The following PPP2R2B variants were observed in gnomAD, a reference collection of about 807,000 sequenced individuals.
PPP2R2B encodes the protein serine/threonine-protein phosphatase 2A 55 kDa regulatory subunit B beta isoform.
In PPP2R2B, 5 loss-of-function variants were observed where a neutral mutation model predicts 46.0. The ratio of observed to expected loss-of-function variants is 0.11; its 90% CI spans 0.06 to 0.23. The LOEUF is 0.23. Ranked by LOEUF, PPP2R2B falls within the 10% of genes least tolerant of loss-of-function variation. The probability of loss-of-function intolerance (pLI) is 1.00; values close to 1 mark genes in which losing one functional copy is unlikely to be tolerated. For synonymous variants in PPP2R2B, 215 were observed against 206.7 expected (o/e 1.04, Z -0.34); for missense variants, 367 against 575.0 (o/e 0.64, Z 3.70).
chr5:146,970,376 G>A (rs1204839849), intron 1 of PPP2R2B, among the ~76,000 whole-genome samples: 3 of 151,978 alleles, frequency 2.0e-5, no homozygotes, highest in South Asian at 4.1e-4. Context: ...CGAGGCGGGC[G>A]GATCATTTGA....
chr5:146,618,442 G>A (rs116724959), intron 7 of PPP2R2B, among the ~76,000 whole-genome samples: 75 of 152,324 alleles, frequency 4.9e-4, no homozygotes, highest in African/African-American at 1.7e-3. Context: ...CTGTAAGGAC[G>A]TTAATCAATT....
Position 146,701,081 on chromosome 5 carries a change from C to T in PPP2R2B, c.132G>A (p.Lys44=). ...HTGELLATGD[K]GGRVVIFQRE... is the part of the protein sequence containing the mutation. ...GTTGAAATATTACAACCCGACCCCC[C>T]TTGTCCCCTGTCGCTAGTAATTCTC... The change falls in exon 3 of 10, where the codon AAG becomes AAA. Residue 44 remains lysine (K), a synonymous_variant. Transcript: ENST00000394411. The T allele has an allele frequency of 6.2e-7, 1 of 1,614,006 alleles. No individual in the cohort carries two copies. The highest frequency in any genetic ancestry group is 8.5e-7 in the Non-Finnish European group (1 of 1,179,858).
chr5:146,822,533 TGG>T (rs1758326192), intron 2 of PPP2R2B, among the ~76,000 whole-genome samples: 6 of 148,194 alleles, frequency 4.0e-5, no homozygotes, highest in African/African-American at 1.5e-4. Flanking sequence ...TCTTCATTTT[TGG>T]TTTTTTTTTT....
At chr5:146,906,789 C>T (rs975394433) in intron 1 of PPP2R2B, among the ~76,000 whole-genome samples, 1 of 152,194 alleles carries the variant, frequency 6.6e-6, no homozygotes, top group African/African-American at 2.4e-5. Context: ...TTGGGCAGTA[C>T]TGTTCTACCT....
intron 1 of PPP2R2B, among the ~76,000 whole-genome samples, chr5:147,018,725 G>T (rs765912284): frequency 6.6e-5 from 10 of 152,144 alleles, no homozygotes; most frequent in Non-Finnish European, 8.8e-5. Flanking sequence ...GAGAACAAGG[G>T]TTATGGACTG....
intron 1 of PPP2R2B, among the ~76,000 whole-genome samples, chr5:147,001,827 A>C (rs1754192099): frequency 6.6e-6 from 1 of 152,128 alleles, no homozygotes; most frequent in African/African-American, 2.4e-5. Flanking sequence ...GCTTTCTAAC[A>C]ACCCCCAACT....
At position 146,588,124 on chromosome 5, in the gene PPP2R2B, A is replaced by G. The variant is rs569402111; in HGVS notation, c.*1823T>C. ...ATCTTGCCCAGAGAGTTTACACCTT[A>G]GCCACTTTACTTGAGATGCCTAAGG... is the stretch of plus-strand genomic sequence containing the variant. On this transcript the variant is annotated 3_prime_UTR_variant, in exon 10 of 10. Coordinates refer to ENST00000394411, the MANE Select transcript of PPP2R2B (RefSeq NM_181675.4). The G allele has an allele frequency of 1.3e-5, 2 of 152,184 alleles. No homozygotes were observed. Among genetic ancestry groups the G allele is most frequent in the East Asian group, 3.9e-4 (2 of 5,178 alleles). The allele number at this position is 152,184 out of a possible 1,614,324, so 9.4% of individuals were successfully genotyped here.
intron 2 of PPP2R2B, among the ~76,000 whole-genome samples, chr5:146,853,204 G>A (rs1760455753): frequency 6.6e-6 from 1 of 152,100 alleles, no homozygotes. Flanking sequence ...AGAATTAGAG[G>A]CATTGCTAAC....
Position 146,589,463 on chromosome 5 carries a change from G to GAGAT in PPP2R2B, c.*480_*483dup, listed in dbSNP as rs1458956467. ...GGAAAAAAAAATGGTGGAGGGGCAG[G>GAGAT]AGATACTGACTAGTTCTGGTTTTTC... On this transcript the variant is annotated 3_prime_UTR_variant, in exon 10 of 10. Coordinates refer to ENST00000394411, the MANE Select transcript of PPP2R2B (RefSeq NM_181675.4). 3 of 154,494 alleles carry GAGAT rather than the reference G, an allele frequency of 1.9e-5. No homozygotes were observed. The highest frequency in any genetic ancestry group is 7.2e-5 in the African/African-American group (3 of 41,452). The allele number at this position is 154,494 out of a possible 1,614,324, so 9.6% of individuals were successfully genotyped here.
chr5:146,653,444 T>C (rs1427548496), intron 5 of PPP2R2B, among the ~76,000 whole-genome samples: 3 of 152,294 alleles, frequency 2.0e-5, no homozygotes, highest in Admixed American at 6.5e-5. Context: ...GCCATGCTTT[T>C]ATAGTTTGTC....
At position 147,079,905 on chromosome 5, in the gene PPP2R2B, T is replaced by C. The variant is rs183365459; in HGVS notation, c.50+1154A>G. Among the ~76,000 whole-genome samples, 50 of 152,280 alleles carry C rather than the reference T, an allele frequency of 3.3e-4. 2 individuals are homozygous for C. The East Asian group carries it at 8.5e-3, about 26-fold the overall frequency. On this transcript the variant is annotated intron_variant, in intron 2 of 10. Transcript: ENST00000394413. ...ATATGCTAATCATCTTGGTTTGATA[T>C]CATTACACAATATACACATATCAAA...
rs1756931459 is a variant in PPP2R2B, at chr5:147,053,539, A to C, written c.79+2126T>G. Among the ~76,000 whole-genome samples, 2 of 48,956 alleles carry C rather than the reference A, an allele frequency of 4.1e-5. 1 individual carries two copies. Among genetic ancestry groups the C allele is most frequent in the African/African-American group, 1.2e-4 (2 of 17,022 alleles). 32.1% of individuals were successfully genotyped at this position (48,956 alleles called of 152,430 possible). A position where few individuals can be genotyped will look rare whatever the true frequency, so the allele number is the denominator to read the frequency against. On this transcript the variant is annotated intron_variant, in intron 1 of 8. Coordinates refer to the PPP2R2B transcript ENST00000336640. ...ACTACAGGGTGACACGATTGCCAAC[A>C]ATATAAACACACACACACACACACA...
At chr5:146,721,354 T>C (rs926317617) in intron 2 of PPP2R2B, among the ~76,000 whole-genome samples, 41 of 152,346 alleles carry the variant, frequency 2.7e-4, no homozygotes, top group African/African-American at 9.9e-4. Flanking sequence ...TTGATTACCT[T>C]GTCTGCAAAA....
intron 1 of PPP2R2B, among the ~76,000 whole-genome samples, chr5:146,894,798 C>T (rs1054243117): frequency 9.2e-5 from 14 of 152,152 alleles, no homozygotes; most frequent in Admixed American, 6.5e-4. Context: ...CATTCTCCTC[C>T]TCACTCTGCT....
chr5:146,967,761 C>T (rs1025493484), intron 1 of PPP2R2B, among the ~76,000 whole-genome samples: 5 of 152,144 alleles, frequency 3.3e-5, no homozygotes, highest in Non-Finnish European at 1.5e-5. Context: ...GCCCTCCTCC[C>T]TCCCGGTTTG....
At chr5:146,646,847 G>A (rs753597350) in intron 6 of PPP2R2B, among the ~76,000 whole-genome samples, 19 of 152,234 alleles carry the variant, frequency 1.2e-4, no homozygotes, top group Non-Finnish European at 2.2e-4. Context: ...AAATGTGTGC[G>A]TGCGTATGTG....
chr5:146,819,688 C>T (rs55884249), intron 2 of PPP2R2B, among the ~76,000 whole-genome samples: 3,992 of 152,016 alleles, frequency 0.026, 51 homozygotes, highest in Middle Eastern at 0.044. Context: ...TACAGAGATA[C>T]CCTTAAAAAC....
intron 2 of PPP2R2B, among the ~76,000 whole-genome samples, chr5:146,766,939 A>G (rs1442866815): frequency 6.6e-6 from 1 of 151,684 alleles, no homozygotes; most frequent in African/African-American, 2.4e-5. Flanking sequence ...CTGTTGTCCC[A>G]GCTACTTGGG....
At chr5:147,071,742 G>T (rs1757606282) in intron 2 of PPP2R2B, among the ~76,000 whole-genome samples, 1 of 152,008 alleles carries the variant, frequency 6.6e-6, no homozygotes, top group Non-Finnish European at 1.5e-5. Context: ...CCCCATATTG[G>T]TTTATTTTCT....
Sources: gnomAD v4.1 joint callset for allele counts (sites outside exome capture counted in the v4.1 genomes callset) on GRCh38, gnomAD v4.1.1 for gene constraint, MANE v1.5 for transcripts, NCBI Gene and HGNC (gene_info 2026-07-23, HGNC 2026-07-21) for gene names.